MDGA2: variants seen among roughly 807,000 people sequenced by gnomAD.
MDGA2 encodes MAM domain-containing glycosylphosphatidylinositol anchor protein 2.
In MDGA2, 40 loss-of-function variants were observed where a neutral mutation model predicts 117.8. The ratio of observed to expected loss-of-function variants is 0.34; its 90% CI spans 0.26 to 0.44. The LOEUF (loss-of-function observed/expected upper bound fraction) is 0.44. Ranked by LOEUF, MDGA2 falls within the 20% of genes least tolerant of loss-of-function variation. The probability of loss-of-function intolerance (pLI) is 1.00; values close to 1 mark genes in which losing one functional copy is unlikely to be tolerated. For missense variants in MDGA2, 1,123 were observed against 1,250.6 expected, an observed-to-expected ratio of 0.90 and a Z score of 1.54; for synonymous variants, 452 against 439.0, an observed-to-expected ratio of 1.03 and a Z score of -0.37.
At chr14:47,357,830 T>C (rs1243021803) in intron 1 of MDGA2, among the ~76,000 whole-genome samples, 1 of 152,222 alleles carries the variant, frequency 6.6e-6, no homozygotes, top group South Asian at 2.1e-4. Flanking sequence ...CAAAACTTAC[T>C]TGAACTCAGT....
At chr14:47,007,744 A>G (rs1259733472) in intron 8 of MDGA2, among the ~76,000 whole-genome samples, 1 of 151,798 alleles carries the variant, frequency 6.6e-6, no homozygotes, top group East Asian at 1.9e-4. Flanking sequence ...TCACCCAATC[A>G]TTTCTCTTGT....
At chr14:46,918,799 T>C (rs1288119077) in intron 10 of MDGA2, among the ~76,000 whole-genome samples, 3 of 149,864 alleles carry the variant, frequency 2.0e-5, no homozygotes, top group Non-Finnish European at 3.0e-5. Flanking sequence ...CTTTTTCTGT[T>C]GCCCAGAGCT....
intron 9 of MDGA2, among the ~76,000 whole-genome samples, chr14:46,945,068 T>C (rs1885125353): frequency 6.6e-6 from 1 of 152,132 alleles, no homozygotes; most frequent in South Asian, 2.1e-4. Context: ...GATAAATAAC[T>C]GGACTGTGCT....
intron 2 of MDGA2, among the ~76,000 whole-genome samples, chr14:47,257,185 TA>T (rs1887649072): frequency 6.6e-6 from 1 of 152,142 alleles, no homozygotes; most frequent in Admixed American, 6.6e-5. Flanking sequence ...GTCATTTCAA[TA>T]GACACCATGG....
chr14:46,914,888 TA>T (rs1883842003), intron 10 of MDGA2, among the ~76,000 whole-genome samples: 1 of 152,120 alleles, frequency 6.6e-6, no homozygotes. Context: ...AAATATTGCC[TA>T]AAATAATAAG....
intron 1 of MDGA2, among the ~76,000 whole-genome samples, chr14:47,390,303 G>A (rs563773429): frequency 5.3e-5 from 8 of 152,180 alleles, no homozygotes; most frequent in African/African-American, 1.9e-4. Flanking sequence ...ACCCCAGAAT[G>A]TCTTTCTCAA....
chr14:47,222,990 G>A (rs542009126), intron 2 of MDGA2, among the ~76,000 whole-genome samples: 1 of 152,322 alleles, frequency 6.6e-6, no homozygotes, highest in South Asian at 2.1e-4. Context: ...TGGACTTACT[G>A]TTCCAAATGG....
At chr14:47,496,608 A>G (rs1894286158) in intron 1 of MDGA2, among the ~76,000 whole-genome samples, 1 of 151,938 alleles carries the variant, frequency 6.6e-6, no homozygotes, top group African/African-American at 2.4e-5. Context: ...GAATGTGGAG[A>G]ATTTACCAAA....
chr14:47,319,312 A>G (rs192162535), intron 1 of MDGA2, among the ~76,000 whole-genome samples: 11 of 152,296 alleles, frequency 7.2e-5, no homozygotes, highest in Admixed American at 6.5e-4. Context: ...GTGAGTGTAC[A>G]TTTCTGATTT....
Position 47,339,905 on chromosome 14 carries a change from TTG to T in MDGA2, c.281-38357_281-38356del, listed in dbSNP as rs1243109513. 5.3e-5 allele frequency among the ~76,000 whole-genome samples: 8 copies of T among 152,312 alleles called. No individual in the cohort carries two copies. The East Asian group carries it at 1.5e-3, about 29-fold the overall frequency. ...ATATATACATTATATAATCATGAGT[TTG>T]TATCCACACAGGTGTTTTCCCTAGT... On this transcript the variant is annotated intron_variant, in intron 1 of 16. Coordinates refer to ENST00000399232, the MANE Select transcript of MDGA2 (RefSeq NM_001113498.3).
chr14:47,535,835 C>G (rs1427542674), intron 1 of MDGA2, among the ~76,000 whole-genome samples: 1 of 152,164 alleles, frequency 6.6e-6, no homozygotes, highest in Non-Finnish European at 1.5e-5. Flanking sequence ...AACAAACCAC[C>G]CACAAACTCA....
rs114677318 is a variant in MDGA2 at position 47,661,113 on chromosome 14, A to G, written c.280+13404T>C. ...ATAATTTTCATGCATAGCACAATGT[A>G]AGCTACCTAACTTTTATGATTTAAT... On this transcript the variant is annotated intron_variant, in intron 1 of 16. Coordinates refer to ENST00000399232, the MANE Select transcript of MDGA2 (RefSeq NM_001113498.3). 9.0e-3 allele frequency among the ~76,000 whole-genome samples: 1,364 copies of G among 152,282 alleles called. 22 individuals are homozygous for G. Among genetic ancestry groups the G allele is most frequent in the African/African-American group, 0.031 (1,293 of 41,556 alleles).
At chr14:46,918,111 A>G (rs960725009) in intron 10 of MDGA2, among the ~76,000 whole-genome samples, 3 of 152,206 alleles carry the variant, frequency 2.0e-5, no homozygotes, top group African/African-American at 7.2e-5. Context: ...CAGAGACTCC[A>G]AGAAAACGTA....
chr14:47,489,202 CA>C (rs941436385), intron 1 of MDGA2, among the ~76,000 whole-genome samples: 2 of 121,896 alleles, frequency 1.6e-5, no homozygotes, highest in African/African-American at 5.4e-5. Context: ...TTCTCTGACA[CA>C]AAAAAAAATT....
At chr14:47,565,431 T>C (rs1021184833) in intron 1 of MDGA2, among the ~76,000 whole-genome samples, 4 of 152,198 alleles carry the variant, frequency 2.6e-5, no homozygotes, top group African/African-American at 9.7e-5. Flanking sequence ...TATTGGGCTG[T>C]GTACTTTAAC....
chr14:47,297,281 G>T (rs1199156935), intron 2 of MDGA2, among the ~76,000 whole-genome samples: 1 of 151,982 alleles, frequency 6.6e-6, no homozygotes, highest in East Asian at 1.9e-4. Flanking sequence ...AGGAGGGCAG[G>T]TAGGAGTGAG....
chr14:47,107,834 G>A (rs534033872), intron 5 of MDGA2, among the ~76,000 whole-genome samples: 63 of 150,522 alleles, frequency 4.2e-4, no homozygotes, highest in African/African-American at 1.5e-3. Context: ...TGCGTGCAGT[G>A]GCTGCCGCTG....
chr14:47,218,710 C>G (rs946020947), intron 2 of MDGA2, among the ~76,000 whole-genome samples: 2 of 151,846 alleles, frequency 1.3e-5, no homozygotes, highest in Non-Finnish European at 2.9e-5. Context: ...TTTTAAACAC[C>G]TGGTTGTTTA....
intron 9 of MDGA2, among the ~76,000 whole-genome samples, chr14:46,929,649 A>ATATATATTTTTTTTTTTTTTTT (rs1884485655): frequency 7.3e-5 from 1 of 13,710 alleles, no homozygotes; most frequent in Non-Finnish European, 1.4e-4. Context: ...ATATATATAC[A>ATATATATTTTTTTTTTTTTTTT]TTTTTTTTTT....
Sources: gnomAD v4.1 joint callset for allele counts (sites outside exome capture counted in the v4.1 genomes callset) on GRCh38, gnomAD v4.1.1 for gene constraint, MANE v1.5 for transcripts, NCBI Gene and HGNC (gene_info 2026-07-23, HGNC 2026-07-21) for gene names.